Variants in RORA observed in about 807,000 individuals in gnomAD.
The protein encoded by RORA is RAR related orphan receptor A.
In RORA, 7 loss-of-function variants were observed where a neutral mutation model predicts 69.5. That is an observed-to-expected ratio of 0.10 (90% CI 0.06 to 0.19). The LOEUF is 0.19. Ranked by LOEUF, RORA falls within the 10% of genes least tolerant of loss-of-function variation. The pLI, the probability that RORA is intolerant of heterozygous loss-of-function variation, is 1.00. For synonymous variants in RORA, 261 were observed against 240.8 expected (o/e 1.08, Z -0.78); for missense variants, 457 against 663.0 (o/e 0.69, Z 3.41).
At chr15:60,993,102 T>C (rs573465000) in intron 1 of RORA, among the ~76,000 whole-genome samples, 1 of 152,324 alleles carries the variant, frequency 6.6e-6, no homozygotes, top group South Asian at 2.1e-4. Flanking sequence ...ATTTACAATA[T>C]TCTTATTATG....
chr15:60,934,396 A>C (rs1056423673), intron 1 of RORA, among the ~76,000 whole-genome samples: 2 of 152,224 alleles, frequency 1.3e-5, no homozygotes, highest in African/African-American at 2.4e-5. Flanking sequence ...AGAAAAAAAA[A>C]CAAAAACACA....
At chr15:61,183,908 G>A (rs764984226) in intron 1 of RORA, among the ~76,000 whole-genome samples, 5 of 152,036 alleles carry the variant, frequency 3.3e-5, no homozygotes, top group Middle Eastern at 3.2e-3. Context: ...GACACGCCTT[G>A]TCTAACCTTT....
chr15:60,899,892 T>C (rs1891338681), intron 1 of RORA, among the ~76,000 whole-genome samples: 1 of 152,214 alleles, frequency 6.6e-6, no homozygotes. Context: ...ATACAGCCAA[T>C]ATAGCAGAGT....
At chr15:60,837,646 G>C (rs2073135436) in intron 1 of RORA, among the ~76,000 whole-genome samples, 2 of 152,162 alleles carry the variant, frequency 1.3e-5, no homozygotes, top group Admixed American at 1.3e-4. Flanking sequence ...CTGTAGCCTT[G>C]CCCTTGGTTT....
chr15:61,065,657 T>C (rs1286214237), intron 1 of RORA, among the ~76,000 whole-genome samples: 3 of 152,220 alleles, frequency 2.0e-5, no homozygotes, highest in African/African-American at 7.2e-5. Flanking sequence ...ATGTTCTACC[T>C]TTAAGGTGCC....
intron 2 of RORA, among the ~76,000 whole-genome samples, chr15:60,541,904 C>A (rs1276452156): frequency 6.6e-6 from 1 of 152,180 alleles, no homozygotes. Context: ...CCTTCCTATT[C>A]CATTTTCAGT....
At chr15:61,214,151 A>G (rs2140940164) in intron 1 of RORA, 1 of 152,392 alleles carries the variant, frequency 6.6e-6, no homozygotes, top group East Asian at 1.9e-4. Flanking sequence ...ATAACTAATG[A>G]GAGCTAAAAC....
intron 1 of RORA, among the ~76,000 whole-genome samples, chr15:61,184,986 C>CAAAAA (rs775960162): frequency 1.3e-3 from 79 of 59,522 alleles, no homozygotes; most frequent in African/African-American, 2.7e-3. Flanking sequence ...CCCTGTCTCT[C>CAAAAA]AAAAAAAAAA....
chr15:61,172,566 G>T (rs1027952581), intron 1 of RORA, among the ~76,000 whole-genome samples: 3 of 152,142 alleles, frequency 2.0e-5, no homozygotes, highest in Non-Finnish European at 4.4e-5. Flanking sequence ...AGGTCTCAGG[G>T]CCCCGGAGGA....
rs534998622 is a variant in RORA, at chr15:61,147,806, G to GT, written c.166+81246dup. Reference sequence around the variant, plus strand: ...GTGTGTGTGTGTGTGAAATCTTTAGGTTTTTTTACCTGCCTCCTTCACTGT... The same window carrying GT: ...GTGTGTGTGTGTGTGAAATCTTTAGGTTTTTTTTACCTGCCTCCTTCACTGT... On this transcript the variant is annotated intron_variant, in intron 1 of 10. Transcript: ENST00000335670. The surrounding 1 kb of genome is among the most constrained non-coding windows in gnomAD (Gnocchi z 4.1). 1.2e-5 allele frequency among the ~76,000 whole-genome samples: 1 copy of GT among 83,918 alleles called. No individual in the cohort carries two copies. The highest frequency in any genetic ancestry group is 3.3e-5 in the African/African-American group (1 of 30,110). The allele number at this position is 83,918 out of a possible 152,430, so 55.1% of individuals were successfully genotyped here.
chr15:60,714,666 A>G (rs2071196711), intron 1 of RORA, among the ~76,000 whole-genome samples: 1 of 152,148 alleles, frequency 6.6e-6, no homozygotes, highest in Admixed American at 6.5e-5. Context: ...TGCCTGGTCA[A>G]TTATCTCTTT....
intron 1 of RORA, among the ~76,000 whole-genome samples, chr15:60,762,753 C>T (rs1336628940): frequency 6.6e-6 from 1 of 152,194 alleles, no homozygotes; most frequent in Non-Finnish European, 1.5e-5. Flanking sequence ...AAAATTATGT[C>T]TGCAAGGGGG....
intron 1 of RORA, among the ~76,000 whole-genome samples, chr15:60,940,076 G>A (rs2140322177): frequency 6.6e-6 from 1 of 152,312 alleles, no homozygotes; most frequent in South Asian, 2.1e-4. Flanking sequence ...TCACACATGG[G>A]AGGATCAGGG....
At chr15:60,561,067 T>TG (rs1234291214) in intron 2 of RORA, among the ~76,000 whole-genome samples, 1 of 133,234 alleles carries the variant, frequency 7.5e-6, no homozygotes, top group Non-Finnish European at 1.5e-5. Flanking sequence ...TTTTTTTTTT[T>TG]TTTGTTTTGT....
At chr15:60,756,190 C>T (rs968249718) in intron 1 of RORA, among the ~76,000 whole-genome samples, 8 of 152,204 alleles carry the variant, frequency 5.3e-5, no homozygotes, top group Admixed American at 4.6e-4. Flanking sequence ...TGAATAATTA[C>T]ATATGGTTTT....
At chr15:60,669,198 AT>A (rs1363940405) in intron 2 of RORA, among the ~76,000 whole-genome samples, 1 of 152,198 alleles carries the variant, frequency 6.6e-6, no homozygotes, top group African/African-American at 2.4e-5. Context: ...CATGCCTCTG[AT>A]TTTAATGAAA....
intron 1 of RORA, among the ~76,000 whole-genome samples, chr15:61,215,031 ATTTTTTTTTTT>A (rs61132940): frequency 1.2e-5 from 1 of 80,636 alleles, no homozygotes; most frequent in Admixed American, 1.6e-4. Flanking sequence ...CGCCCAGCTA[ATTTTTTTTTTT>A]TTTTTTTTTT....
intron 2 of RORA, among the ~76,000 whole-genome samples, chr15:60,652,412 C>T (rs1221013804): frequency 2.0e-5 from 3 of 152,004 alleles, no homozygotes; most frequent in Non-Finnish European, 4.4e-5. Flanking sequence ...GAATGGGCTG[C>T]CTTGAAAAGA....
intron 1 of RORA, among the ~76,000 whole-genome samples, chr15:61,104,596 G>C (rs2078926007): frequency 6.6e-6 from 1 of 152,152 alleles, no homozygotes; most frequent in African/African-American, 2.4e-5. Context: ...ATGAGATTTA[G>C]CTTTTGCCTA....
Sources: allele counts gnomAD v4.1 joint callset (sites outside exome capture counted in the v4.1 genomes callset), GRCh38; gene constraint gnomAD v4.1.1; non-coding constraint Gnocchi (gnomAD v3.1); transcripts MANE v1.5; gene names NCBI Gene and HGNC (gene_info 2026-07-23, HGNC 2026-07-21).